JHY: variants seen among roughly 807,000 people sequenced by gnomAD.
JHY encodes the protein jhy protein homolog.
A neutral mutation model predicts 78.0 loss-of-function variants in JHY; 69 were observed. That is an observed-to-expected ratio of 0.88 (90% CI 0.73 to 1.08). The LOEUF (loss-of-function observed/expected upper bound fraction) is 1.08, where lower values mean the gene tolerates loss of function less well. Ranked by LOEUF, JHY falls within the 50% of genes least tolerant of loss-of-function variation. JHY has a pLI of 0.00. For missense variants in JHY, 944 were observed against 927.8 expected (o/e 1.02, Z -0.23); for synonymous variants, 368 against 342.6 (o/e 1.07, Z -0.82).
intron 5 of JHY, among the ~76,000 whole-genome samples, chr11:122,937,478 T>C (rs1361762965): frequency 6.6e-6 from 1 of 152,176 alleles, no homozygotes; most frequent in Non-Finnish European, 1.5e-5. Flanking sequence ...CTGTCCTGGC[T>C]GAGGATTCCC....
rs1047845045 is a variant in JHY, at chr11:122,946,802, G to A, written c.1929+10G>A. 7 of 1,594,684 alleles carry A rather than the reference G, an allele frequency of 4.4e-6. No individual in the cohort carries two copies. Among genetic ancestry groups the A allele is most frequent in the Non-Finnish European group, 6.0e-6 (7 of 1,173,610 alleles). ...AAGAAGCAGCAGTAAGGTAATAAAA[G>A]CGCCATTTTTACCAAGTAACTCTTC... On this transcript the variant is annotated intron_variant, in intron 6 of 8. Transcript: ENST00000227349.
chr11:122,915,231 C>T (rs1176498105), intron 3 of JHY, among the ~76,000 whole-genome samples: 3 of 152,144 alleles, frequency 2.0e-5, no homozygotes, highest in Non-Finnish European at 4.4e-5. Context: ...GCAATGTGAT[C>T]GCTTCTTTGC....
chr11:122,892,129 T>C (rs1862629552), intron 2 of JHY, among the ~76,000 whole-genome samples: 1 of 152,162 alleles, frequency 6.6e-6, no homozygotes, highest in Non-Finnish European at 1.5e-5. Flanking sequence ...AATGTTTTCA[T>C]GCAGTGAGGT....
intron 5 of JHY, among the ~76,000 whole-genome samples, chr11:122,945,824 G>C (rs951309173): frequency 2.0e-5 from 3 of 152,188 alleles, no homozygotes; most frequent in African/African-American, 4.8e-5. Flanking sequence ...TTTGGAGAGA[G>C]TGGGGGTTGT....
intron 1 of JHY, among the ~76,000 whole-genome samples, chr11:122,884,834 C>T (rs919133557): frequency 6.6e-6 from 1 of 152,090 alleles, no homozygotes; most frequent in African/African-American, 2.4e-5. Flanking sequence ...GGGTCACGTT[C>T]TGTTACCCAG....
Position 122,946,762 on chromosome 11 carries a change from A to C in JHY, c.1899A>C (p.Gly633=), listed in dbSNP as rs1462499475. 1 of 1,612,572 alleles carries C rather than the reference A, an allele frequency of 6.2e-7. No individual in the cohort carries two copies. The highest frequency in any genetic ancestry group is 1.7e-5 in the Admixed American group (1 of 59,652). ...SEGYLFQLEK[G]KKHKKRSSSK... is the part of the protein sequence containing the mutation. ...GCTATCTGTTTCAACTGGAAAAGGG[A>C]AAAAAGCATAAGAAAAGAAGCAGCA... Residue 633 remains glycine, a synonymous_variant, in exon 6 of 9, where the codon GGA becomes GGC. Transcript: ENST00000227349.
chr11:122,961,884 C>A lies in JHY; in HGVS notation c.*2439C>A, dbSNP rs1864323586. Among the ~76,000 whole-genome samples the A allele has an allele frequency of 6.6e-6, 1 of 152,210 alleles. No homozygotes were observed. Among genetic ancestry groups the A allele is most frequent in the East Asian group, 1.9e-4 (1 of 5,196 alleles). On this transcript the variant is annotated 3_prime_UTR_variant, in exon 9 of 9. Transcript: ENST00000227349. ...ATGTTGTTCTAACAGAGCATCAAGA[C>A]ATTAGTTAGAAACCCTCCAACAAGT... is the stretch of plus-strand genomic sequence containing the variant.
intron 2 of JHY, among the ~76,000 whole-genome samples, chr11:122,903,421 A>C (rs576838116): frequency 6.6e-6 from 1 of 152,138 alleles, no homozygotes; most frequent in East Asian, 1.9e-4. Flanking sequence ...TTTCGCCCTT[A>C]TGTGTAGTGT....
chr11:122,951,888 C>A (rs1864094671), intron 6 of JHY, among the ~76,000 whole-genome samples: 1 of 152,116 alleles, frequency 6.6e-6, no homozygotes, highest in Non-Finnish European at 1.5e-5. Context: ...TATACAAAGA[C>A]TAGCAGCAAA....
Position 122,904,335 on chromosome 11 carries a change from A to T in JHY, c.755A>T (p.Lys252Ile), listed in dbSNP as rs955951310. 9.9e-6 allele frequency: 16 copies of T among 1,614,114 alleles called. No homozygotes were observed. The highest frequency in any genetic ancestry group is 1.4e-5 in the Non-Finnish European group (16 of 1,179,968). ...CGTGGCCCTCGGCGAAGGAAATCCA[A>T]ACAACATTTTGTGGAAAAAAACAAG... Reference protein sequence around the residue: ...GSRGPRRRKSKQHFVEKNKLT... With the variant: ...GSRGPRRRKSIQHFVEKNKLT... The change falls in exon 3 of 9, where the codon AAA (lysine) becomes ATA (isoleucine). Residue 252 changes from lysine to isoleucine, a missense_variant. Coordinates refer to ENST00000227349, the MANE Select transcript of JHY (RefSeq NM_024806.4).
chr11:122,943,828 T>C (rs1863917406), intron 5 of JHY, among the ~76,000 whole-genome samples: 1 of 152,202 alleles, frequency 6.6e-6, no homozygotes, highest in Non-Finnish European at 1.5e-5. Context: ...TTTTCAGTCT[T>C]CTTATGATTT....
chr11:122,896,492 C>T (rs1312273776), intron 2 of JHY, among the ~76,000 whole-genome samples: 1 of 152,076 alleles, frequency 6.6e-6, no homozygotes, highest in Non-Finnish European at 1.5e-5. Flanking sequence ...AAAGTACTTA[C>T]GTTTCTTAAT....
chr11:122,943,047 A>G (rs1387949270), intron 5 of JHY, among the ~76,000 whole-genome samples: 1 of 151,866 alleles, frequency 6.6e-6, no homozygotes, highest in Non-Finnish European at 1.5e-5. Flanking sequence ...CCTACTTTTT[A>G]AAATTTATTT....
At chr11:122,922,809 C>CAAAAAAAAAAAAAAAAA (rs571482464) in intron 3 of JHY, among the ~76,000 whole-genome samples, 7 of 44,372 alleles carry the variant, frequency 1.6e-4, no homozygotes, top group African/African-American at 3.2e-4. Context: ...GACTCCGTCT[C>CAAAAAAAAAAAAAAAAA]AAAAAAAAAA....
intron 4 of JHY, among the ~76,000 whole-genome samples, chr11:122,928,454 C>G (rs537680647): frequency 2.0e-5 from 3 of 151,748 alleles, no homozygotes; most frequent in South Asian, 4.2e-4. Flanking sequence ...TGTGAAATAT[C>G]TTTGTGCAAA....
intron 5 of JHY, among the ~76,000 whole-genome samples, chr11:122,942,617 T>C (rs1863896513): frequency 6.6e-6 from 1 of 152,056 alleles, no homozygotes; most frequent in Non-Finnish European, 1.5e-5. Flanking sequence ...AGAGACAGAG[T>C]TTCACCATGT....
chr11:122,934,650 G>A lies in JHY; in HGVS notation c.1209G>A (p.Lys403=), dbSNP rs368889781. The A allele has an allele frequency of 6.2e-6, 10 of 1,613,970 alleles. No individual in the cohort carries two copies. Among genetic ancestry groups the A allele is most frequent in the East Asian group, 2.2e-5 (1 of 44,872 alleles). Reference sequence around the variant, plus strand: ...CCAGGCAGCAACAAAACCAAAATAAGCCTCTTGATACTTCAACAAAGCCTG... The same window carrying A: ...CCAGGCAGCAACAAAACCAAAATAAACCTCTTGATACTTCAACAAAGCCTG... The part of the protein sequence containing the change: ...NPPRQQQNQN[K]PLDTSTKPES... The change falls in exon 5 of 9, where the codon AAG becomes AAA. Residue 403 remains lysine, a synonymous_variant. Transcript: ENST00000227349.
intron 4 of JHY, among the ~76,000 whole-genome samples, chr11:122,933,298 T>C (rs1863674570): frequency 6.6e-6 from 1 of 152,216 alleles, no homozygotes; most frequent in Non-Finnish European, 1.5e-5. Context: ...TTTTTTAGTA[T>C]ATGTGTTCAG....
chr11:122,903,369 C>A (rs1862903464), intron 2 of JHY, among the ~76,000 whole-genome samples: 1 of 152,192 alleles, frequency 6.6e-6, no homozygotes, highest in South Asian at 2.1e-4. Flanking sequence ...AATTGTCCCC[C>A]ATTTTTATTC....
Sources: gnomAD v4.1 joint callset for allele counts (sites outside exome capture counted in the v4.1 genomes callset) on GRCh38, gnomAD v4.1.1 for gene constraint, MANE v1.5 for transcripts, NCBI Gene and HGNC (gene_info 2026-07-23, HGNC 2026-07-21) for gene names.